FMN1: variants seen among roughly 807,000 people sequenced by gnomAD.
The protein encoded by FMN1 is formin-1.
A neutral mutation model predicts 132.4 loss-of-function variants in FMN1; 110 were observed. That is an observed-to-expected ratio of 0.83 (90% CI 0.71 to 0.97). FMN1 has a LOEUF of 0.97. Ranked by LOEUF, FMN1 falls within the 50% of genes least tolerant of loss-of-function variation. The pLI is 0.00. For synonymous variants in FMN1, 722 were observed against 651.7 expected, an observed-to-expected ratio of 1.11 and a Z score of -1.64; for missense variants, 1,792 against 1,705.3, an observed-to-expected ratio of 1.05 and a Z score of -0.90.
chr15:33,073,127 C>T (rs1052157188), intron 5 of FMN1, among the ~76,000 whole-genome samples: 3 of 152,044 alleles, frequency 2.0e-5, no homozygotes, highest in African/African-American at 7.2e-5. Flanking sequence ...CTCTAAGGGC[C>T]CCCTTACTCT....
At chr15:33,149,866 C>T in intron 4 of FMN1, 14 of 983,328 alleles carry the variant, frequency 1.4e-5, no homozygotes, top group Non-Finnish European at 1.7e-5. Flanking sequence ...TAATGTATAT[C>T]CACAGAGACA....
chr15:32,855,200 CTG>C (rs1418266512), intron 17 of FMN1, among the ~76,000 whole-genome samples: 2 of 142,356 alleles, frequency 1.4e-5, no homozygotes, highest in Non-Finnish European at 3.1e-5. Flanking sequence ...GAAAGAAAAT[CTG>C]ATGCCTGGCC....
intron 9 of FMN1, among the ~76,000 whole-genome samples, chr15:32,962,225 C>A (rs2030649391): frequency 6.6e-6 from 1 of 152,078 alleles, no homozygotes; most frequent in African/African-American, 2.4e-5. Flanking sequence ...TACATCTATG[C>A]TATCCAATAC....
chr15:33,051,828 A>G (rs2036988539), intron 6 of FMN1, among the ~76,000 whole-genome samples: 1 of 152,204 alleles, frequency 6.6e-6, no homozygotes, highest in Non-Finnish European at 1.5e-5. Flanking sequence ...AGAAGGACGC[A>G]AGACCCCGGA....
chr15:32,821,153 T>A (rs997384013), intron 17 of FMN1, among the ~76,000 whole-genome samples: 2 of 143,162 alleles, frequency 1.4e-5, no homozygotes, highest in Non-Finnish European at 3.1e-5. Context: ...TAAGAGATAA[T>A]CAGAGTATCC....
intron 17 of FMN1, among the ~76,000 whole-genome samples, chr15:32,826,157 G>A (rs1224193893): frequency 6.6e-6 from 1 of 152,206 alleles, no homozygotes; most frequent in Non-Finnish European, 1.5e-5. Flanking sequence ...TAGCAGTGGG[G>A]TCCCTAGAGT....
At chr15:33,055,183 T>C (rs111558073) in intron 6 of FMN1, among the ~76,000 whole-genome samples, 215 of 152,282 alleles carry the variant, frequency 1.4e-3, no homozygotes, top group African/African-American at 4.6e-3. Context: ...AACTGCATGA[T>C]AAAACCTTGG....
chr15:33,042,233 A>C (rs924465029), intron 6 of FMN1, among the ~76,000 whole-genome samples: 1 of 152,216 alleles, frequency 6.6e-6, no homozygotes, highest in African/African-American at 2.4e-5. Flanking sequence ...AAATGGTACA[A>C]GTTTACTGAA....
intron 17 of FMN1, among the ~76,000 whole-genome samples, chr15:32,820,833 T>C (rs967096624): frequency 6.6e-6 from 1 of 152,178 alleles, no homozygotes; most frequent in East Asian, 1.9e-4. Context: ...TCCCATGCTT[T>C]TGCTTGTCTA....
chr15:33,088,752 T>C, intron 5 of FMN1, 47 bp downstream of exon 5: 1 of 1,467,132 alleles, frequency 6.8e-7, no homozygotes, highest in Non-Finnish European at 9.1e-7. Flanking sequence ...AATGAGCCTC[T>C]GTTGACCACA....
At chr15:32,936,908 T>C (rs1441380424) in intron 9 of FMN1, among the ~76,000 whole-genome samples, 1 of 152,194 alleles carries the variant, frequency 6.6e-6, no homozygotes, top group Non-Finnish European at 1.5e-5. Flanking sequence ...CTCTGTCTAC[T>C]GTACTGCAGG....
chr15:33,034,280 T>C (rs1335002161), intron 6 of FMN1, among the ~76,000 whole-genome samples: 1 of 152,128 alleles, frequency 6.6e-6, no homozygotes, highest in Non-Finnish European at 1.5e-5. Flanking sequence ...TCCATGGCAA[T>C]TCCATGCTTC....
chr15:32,993,793 A>T (rs951172273), intron 7 of FMN1, among the ~76,000 whole-genome samples: 2 of 147,630 alleles, frequency 1.4e-5, no homozygotes, highest in African/African-American at 5.1e-5. Context: ...TTCTCTCTTG[A>T]CCCTGTCTTA....
At chr15:32,885,323 A>G (rs2059870434) in intron 16 of FMN1, among the ~76,000 whole-genome samples, 1 of 151,790 alleles carries the variant, frequency 6.6e-6, no homozygotes, top group South Asian at 2.1e-4. Context: ...ATGTTCAGTA[A>G]CTCTAATTTT....
chr15:33,110,800 C>G (rs2039672842), intron 4 of FMN1, among the ~76,000 whole-genome samples: 2 of 151,856 alleles, frequency 1.3e-5, no homozygotes, highest in African/African-American at 2.4e-5. Flanking sequence ...GTTATTAAAA[C>G]AAAAATAAGA....
chr15:32,789,283 A>C (rs916748584), intron 19 of FMN1, among the ~76,000 whole-genome samples: 1 of 152,256 alleles, frequency 6.6e-6, no homozygotes, highest in East Asian at 1.9e-4. Flanking sequence ...CTGAAGATAC[A>C]GTAAACCCCC....
chr15:33,055,609 C>CAAAA (rs61239065), intron 6 of FMN1, among the ~76,000 whole-genome samples: 2 of 148,728 alleles, frequency 1.3e-5, no homozygotes, highest in African/African-American at 2.5e-5. Context: ...AACTCATAGA[C>CAAAA]AAAAAAAAAC....
At chr15:33,018,603 G>C (rs1322723841) in intron 6 of FMN1, among the ~76,000 whole-genome samples, 1 of 152,132 alleles carries the variant, frequency 6.6e-6, no homozygotes, top group Non-Finnish European at 1.5e-5. Context: ...CCCGTACCTT[G>C]TCCTATGCAT....
chr15:32,803,632 C>T (rs906979336), intron 18 of FMN1, among the ~76,000 whole-genome samples: 3 of 152,074 alleles, frequency 2.0e-5, no homozygotes, highest in Non-Finnish European at 4.4e-5. Flanking sequence ...ACAGCCCCTT[C>T]TCCCTACCTG....
Sources: allele counts gnomAD v4.1 joint callset (sites outside exome capture counted in the v4.1 genomes callset), GRCh38; gene constraint gnomAD v4.1.1; transcripts MANE v1.5; gene names NCBI Gene and HGNC (gene_info 2026-07-23, HGNC 2026-07-21).